Variants in MAP4K5 observed in about 807,000 individuals in gnomAD.
The protein encoded by MAP4K5 is MAPK/ERK kinase kinase kinase 5.
In MAP4K5, 82 loss-of-function variants were observed where a neutral mutation model predicts 135.6. The observed-to-expected ratio is 0.60, with a 90% CI of 0.51 to 0.73. The LOEUF is 0.73. MAP4K5 is among the 30% of genes least tolerant of loss of function. The pLI, the probability that MAP4K5 is intolerant of heterozygous loss-of-function variation, is 0.00. For synonymous variants in MAP4K5, 347 were observed against 335.0 expected (o/e 1.04, Z -0.39); for missense variants, 907 against 1,010.9 (o/e 0.90, Z 1.39).
At chr14:50,445,672 C>A (rs2036331424) in intron 17 of MAP4K5, among the ~76,000 whole-genome samples, 1 of 152,240 alleles carries the variant, frequency 6.6e-6, no homozygotes, top group South Asian at 2.1e-4. Flanking sequence ...TGGGTTCAAG[C>A]GATTCTCATG....
At chr14:50,429,140 A>G in intron 29 of MAP4K5, 52 bp downstream of exon 29, 1 of 978,012 alleles carries the variant, frequency 1.0e-6, no homozygotes, top group East Asian at 2.8e-5. Flanking sequence ...CAGAATAAAA[A>G]AATTGCTTTA....
At chr14:50,530,984 C>T (rs2038373402) in intron 2 of MAP4K5, among the ~76,000 whole-genome samples, 1 of 152,196 alleles carries the variant, frequency 6.6e-6, no homozygotes, top group Non-Finnish European at 1.5e-5. Flanking sequence ...CAGCGATATG[C>T]AGAAGTGTTG....
At chr14:50,421,090 T>A (rs924308511) in intron 32 of MAP4K5, among the ~76,000 whole-genome samples, 2 of 152,100 alleles carry the variant, frequency 1.3e-5, no homozygotes, top group African/African-American at 2.4e-5. Flanking sequence ...AAACATTTTT[T>A]AAAAATCATA....
intron 13 of MAP4K5, among the ~76,000 whole-genome samples, chr14:50,457,709 A>G (rs542136975): frequency 1.3e-5 from 2 of 152,276 alleles, no homozygotes; most frequent in African/African-American, 4.8e-5. Flanking sequence ...AATTTCCTCT[A>G]TATTACAAAT....
intron 13 of MAP4K5, among the ~76,000 whole-genome samples, chr14:50,460,279 T>C (rs1029275234): frequency 6.6e-6 from 1 of 152,048 alleles, no homozygotes; most frequent in African/African-American, 2.4e-5. Flanking sequence ...ACTATGAGCG[T>C]TATAAAAGCA....
intron 1 of MAP4K5, among the ~76,000 whole-genome samples, chr14:50,550,809 A>G (rs2038693129): frequency 1.3e-5 from 2 of 152,266 alleles, no homozygotes; most frequent in Admixed American, 1.3e-4. Flanking sequence ...CTTTGGGTTA[A>G]CAATGAAATC....
chr14:50,460,392 T>C (rs1055540790), intron 13 of MAP4K5, among the ~76,000 whole-genome samples: 3 of 151,892 alleles, frequency 2.0e-5, no homozygotes, highest in Admixed American at 6.6e-5. Context: ...TAAACAGAAA[T>C]AGAGAATTCA....
chr14:50,504,249 AACTACT>A (rs1250954417), intron 3 of MAP4K5, among the ~76,000 whole-genome samples: 3 of 152,130 alleles, frequency 2.0e-5, no homozygotes, highest in Non-Finnish European at 4.4e-5. Context: ...CCTGGTCAAA[AACTACT>A]ACTGCACTCA....
At chr14:50,421,611 A>G (rs1180645828) in intron 32 of MAP4K5, among the ~76,000 whole-genome samples, 4 of 151,936 alleles carry the variant, frequency 2.6e-5, no homozygotes, top group Non-Finnish European at 5.9e-5. Context: ...AACTCTGTTT[A>G]GATATGTATC....
chr14:50,432,386 CAGTAATTTGGGTCTTTACTCCCTCAGGA>C (rs1295460641), intron 28 of MAP4K5, among the ~76,000 whole-genome samples: 1 of 152,204 alleles, frequency 6.6e-6, no homozygotes, highest in African/African-American at 2.4e-5. Context: ...TACCCTCAGG[CAGTAATTTGGGTCTTTACTCCCTCAGGA>C]AGTAATCTGG....
Position 50,419,272 on chromosome 14 carries a change from TATC to T in MAP4K5, c.*744_*746del, listed in dbSNP as rs1178114720. ...ACACCCCTTCTAAGAATATTTCAACTATCATCAATATCTTCTGTATGATCCCTT... is the reference window on the plus strand; with the variant it reads ...ACACCCCTTCTAAGAATATTTCAACTATCAATATCTTCTGTATGATCCCTT... On this transcript the variant is annotated 3_prime_UTR_variant, in exon 33 of 33. Transcript: ENST00000682126. 1 of 152,170 alleles carries T rather than the reference TATC, an allele frequency of 6.6e-6. No individual in the cohort carries two copies. The highest frequency in any genetic ancestry group is 1.5e-5 in the Non-Finnish European group (1 of 67,994). The allele number at this position is 152,170 out of a possible 1,614,324, so 9.4% of individuals were successfully genotyped here.
chr14:50,513,481 AT>A (rs2037971197), intron 2 of MAP4K5, among the ~76,000 whole-genome samples: 1 of 152,308 alleles, frequency 6.6e-6, no homozygotes, highest in African/African-American at 2.4e-5. Flanking sequence ...AAGTCTAAAC[AT>A]TTTACCTACA....
chr14:50,456,247 T>C (rs2036591863), intron 14 of MAP4K5: 3 of 428,978 alleles, frequency 7.0e-6, no homozygotes, highest in Admixed American at 4.1e-5. Context: ...GGTGATGTGA[T>C]TGCATGCAAT....
At chr14:50,465,659 G>C (rs1180349687) in intron 11 of MAP4K5, among the ~76,000 whole-genome samples, 1 of 152,164 alleles carries the variant, frequency 6.6e-6, no homozygotes, top group African/African-American at 2.4e-5. Flanking sequence ...AAGGAAGATA[G>C]AGCAAAAATA....
At chr14:50,536,141 A>G (rs538974773), upstream of MAP4K5, among the ~76,000 whole-genome samples, 2 of 152,320 alleles carry the variant, frequency 1.3e-5, no homozygotes, top group South Asian at 4.1e-4. Context: ...CAGCATGAAA[A>G]CAGACTAATA....
At chr14:50,526,002 G>A (rs995442454) in intron 2 of MAP4K5, among the ~76,000 whole-genome samples, 2 of 152,114 alleles carry the variant, frequency 1.3e-5, no homozygotes, top group African/African-American at 4.8e-5. Flanking sequence ...ATGTCACACT[G>A]AACCTGGAAT....
At chr14:50,496,138 A>G (rs1170414070) in intron 3 of MAP4K5, among the ~76,000 whole-genome samples, 4 of 152,108 alleles carry the variant, frequency 2.6e-5, no homozygotes, top group Admixed American at 1.3e-4. Flanking sequence ...CAGCCTGGCC[A>G]ACATGGTGAA....
chr14:50,420,302 A>G (rs1011518494), intron 32 of MAP4K5, among the ~76,000 whole-genome samples, 196 bp from the exon 33 acceptor site: 1 of 152,184 alleles, frequency 6.6e-6, no homozygotes, highest in African/African-American at 2.4e-5. Flanking sequence ...AAAATATTGA[A>G]GACATTTTGG....
intron 2 of MAP4K5, among the ~76,000 whole-genome samples, chr14:50,539,999 T>C (rs755960955): frequency 6.6e-6 from 1 of 152,084 alleles, no homozygotes; most frequent in Non-Finnish European, 1.5e-5. Context: ...TACAATTTAC[T>C]CTTTTCAAGG....
Sources: gnomAD v4.1 joint callset for allele counts (sites outside exome capture counted in the v4.1 genomes callset) on GRCh38, gnomAD v4.1.1 for gene constraint, MANE v1.5 for transcripts, NCBI Gene and HGNC (gene_info 2026-07-23, HGNC 2026-07-21) for gene names.